The following SRD5A1 variants were observed in gnomAD, a reference collection of about 807,000 sequenced individuals.
SRD5A1 encodes the protein steroid 5 alpha-reductase 1.
SRD5A1 carries 22 observed loss-of-function variants against 28.2 expected under a neutral mutation model. The ratio of observed to expected loss-of-function variants is 0.78; its 90% CI spans 0.56 to 1.12. The LOEUF (loss-of-function observed/expected upper bound fraction) is 1.12. Ranked by LOEUF, SRD5A1 falls within the 50% of genes most tolerant of loss-of-function variation. The pLI is 0.00. For missense variants in SRD5A1, 300 were observed against 346.7 expected, an observed-to-expected ratio of 0.87 and a Z score of 1.07; for synonymous variants, 151 against 135.0, an observed-to-expected ratio of 1.12 and a Z score of -0.82.
chr5:6,652,496 T>C (rs1477187677), intron 2 of SRD5A1, among the ~76,000 whole-genome samples: 1 of 152,230 alleles, frequency 6.6e-6, no homozygotes, highest in Non-Finnish European at 1.5e-5. Flanking sequence ...AATGTACATT[T>C]TCAACCTCTA....
intron 1 of SRD5A1, among the ~76,000 whole-genome samples, chr5:6,651,502 A>G (rs773133769): frequency 1.1e-4 from 16 of 151,970 alleles, no homozygotes; most frequent in Non-Finnish European, 2.1e-4. Context: ...ACAAAATAAT[A>G]ATAATAATAA....
intron 1 of SRD5A1, among the ~76,000 whole-genome samples, chr5:6,642,166 G>A (rs568153343): frequency 6.6e-6 from 1 of 152,134 alleles, no homozygotes; most frequent in East Asian, 1.9e-4. Flanking sequence ...CACTTATTGG[G>A]ATTCAAAGTT....
Position 6,672,297 on chromosome 5 carries a change from A to G in SRD5A1, c.*4029A>G, listed in dbSNP as rs1350984180. 2.6e-5 allele frequency: 4 copies of G among 151,546 alleles called. No individual in the cohort carries two copies. The highest frequency in any genetic ancestry group is 5.9e-5 in the Non-Finnish European group (4 of 68,010). The allele number at this position is 151,546 out of a possible 1,614,324, so 9.4% of individuals were successfully genotyped here. On this transcript the variant is annotated 3_prime_UTR_variant, in exon 5 of 5. Transcript: ENST00000274192. Reference sequence around the variant, plus strand: ...GTTTTTTGTTTTGTTTTGTTTTGAGACGGAGTCTTGCTCTGTCACCCAGGC... The same window carrying G: ...GTTTTTTGTTTTGTTTTGTTTTGAGGCGGAGTCTTGCTCTGTCACCCAGGC...
chr5:6,637,228 C>G (rs1449773793), intron 1 of SRD5A1, among the ~76,000 whole-genome samples: 2 of 152,110 alleles, frequency 1.3e-5, no homozygotes, highest in Non-Finnish European at 2.9e-5. Flanking sequence ...CCTTCCGAAG[C>G]CTGTGCCTAC....
Position 6,671,077 on chromosome 5 carries a change from C to A in SRD5A1, c.*2809C>A, listed in dbSNP as rs570338183. 1 of 152,280 alleles carries A rather than the reference C, an allele frequency of 6.6e-6. No homozygotes were observed. Among genetic ancestry groups the A allele is most frequent in the South Asian group, 2.1e-4 (1 of 4,814 alleles). 9.4% of individuals were successfully genotyped at this position (152,280 alleles called of 1,614,324 possible). A position where few individuals can be genotyped will look rare whatever the true frequency, so the allele number is the denominator to read the frequency against. On this transcript the variant is annotated 3_prime_UTR_variant, in exon 5 of 5. Transcript: ENST00000274192. ...TTCTACTTTTAGTTCTAAGGAATTT[C>A]CACACTGTTTTCCATGGTGGCTCTA...
chr5:6,648,520 A>G (rs908480497), intron 1 of SRD5A1, among the ~76,000 whole-genome samples: 12 of 152,216 alleles, frequency 7.9e-5, no homozygotes, highest in African/African-American at 1.7e-4. Context: ...TTGATCTTCA[A>G]TGACTGATAT....
At position 6,668,272 on chromosome 5, in the gene SRD5A1, C is replaced by T. The variant is rs368217760; in HGVS notation, c.*4C>T. On this transcript the variant is annotated 3_prime_UTR_variant, in exon 5 of 5. Coordinates refer to ENST00000274192, the MANE Select transcript of SRD5A1 (RefSeq NM_001047.4). ...TATAATTCCATTTTTGTTTTAAGTGCGTTTTTCATGAAATTATCTTCAACT... is the reference window on the plus strand; with the variant it reads ...TATAATTCCATTTTTGTTTTAAGTGTGTTTTTCATGAAATTATCTTCAACT... 5.2e-6 allele frequency: 8 copies of T among 1,545,040 alleles called. No individual in the cohort carries two copies. Among genetic ancestry groups the T allele is most frequent in the Middle Eastern group, 1.8e-4 (1 of 5,596 alleles).
chr5:6,639,494 G>T (rs1049417893), intron 1 of SRD5A1, among the ~76,000 whole-genome samples: 4 of 152,224 alleles, frequency 2.6e-5, no homozygotes, highest in Non-Finnish European at 4.4e-5. Context: ...GTGCCCTTGT[G>T]TGGGTGCCAC....
At chr5:6,659,162 G>A (rs1025985792) in intron 3 of SRD5A1, among the ~76,000 whole-genome samples, 13 of 150,670 alleles carry the variant, frequency 8.6e-5, no homozygotes, top group Admixed American at 4.6e-4. Flanking sequence ...CACCCAGGCT[G>A]GAGTGCAGTG....
At chr5:6,658,323 T>TA (rs944081215) in intron 3 of SRD5A1, among the ~76,000 whole-genome samples, 10 of 151,522 alleles carry the variant, frequency 6.6e-5, no homozygotes, top group Non-Finnish European at 1.3e-4. Context: ...AGACTCTGTC[T>TA]AAAAAAAATA....
At chr5:6,651,810 TA>T (rs758273618) in intron 1 of SRD5A1, 31 bp from the exon 2 acceptor site, 1 of 1,553,956 alleles carries the variant, frequency 6.4e-7, no homozygotes, top group South Asian at 1.2e-5. Context: ...TTTAATTTTT[TA>T]AAAAATTGTG....
chr5:6,663,721 G>C (rs1389797675), intron 4 of SRD5A1, among the ~76,000 whole-genome samples: 1 of 152,030 alleles, frequency 6.6e-6, no homozygotes, highest in Non-Finnish European at 1.5e-5. Flanking sequence ...TTAGTCAGGC[G>C]TGGTGGCGGG....
At position 6,651,958 on chromosome 5, in the gene SRD5A1, A is replaced by G; in HGVS notation, c.410A>G (p.His137Arg). ...TATTTGCAAAGCAGATACTTGAGCCATTGTGCAGTGTATGCTGATGACTGG... is the reference window on the plus strand; with the variant it reads ...TATTTGCAAAGCAGATACTTGAGCCGTTGTGCAGTGTATGCTGATGACTGG... ...NGYLQSRYLS[H>R]CAVYADDWVT... The change falls in exon 2 of 5, where the codon CAT becomes CGT. Residue 137 changes from histidine to arginine, a missense_variant. This residue lies in a region of SRD5A1 where 126 missense variants were observed against 185.7 expected (regional missense o/e 0.68). Transcript: ENST00000274192. 2 of 1,614,172 alleles carry G rather than the reference A, an allele frequency of 1.2e-6. No homozygotes were observed. Among genetic ancestry groups the G allele is most frequent in the Non-Finnish European group, 1.7e-6 (2 of 1,180,014 alleles).
At chr5:6,651,227 G>A (rs1402894270) in intron 1 of SRD5A1, among the ~76,000 whole-genome samples, 1 of 152,230 alleles carries the variant, frequency 6.6e-6, no homozygotes, top group Admixed American at 6.5e-5. Context: ...TTTTAGGATA[G>A]TGGAAATCTT....
chr5:6,633,890 C>T (rs763784713), intron 1 of SRD5A1, 21 bp downstream of exon 1: 3 of 1,594,514 alleles, frequency 1.9e-6, no homozygotes, highest in East Asian at 4.5e-5. Context: ...CGGCCCCCGG[C>T]CCCCTACCCT....
Position 6,656,133 on chromosome 5 carries a change from A to C in SRD5A1, c.516A>C (p.Leu172=). ...TAAACATCCATTCAGATCATATCCT[A>C]AGGAATCTCAGAAAACCAGGAGATA... ...MLINIHSDHI[L]RNLRKPGDTG... Residue 172 remains leucine, a synonymous_variant, in exon 3 of 5, where the codon CTA becomes CTC. Transcript: ENST00000274192. 1 of 1,614,086 alleles carries C rather than the reference A, an allele frequency of 6.2e-7. No individual in the cohort carries two copies. Among genetic ancestry groups the C allele is most frequent in the Non-Finnish European group, 8.5e-7 (1 of 1,179,960 alleles).
chr5:6,639,414 C>T (rs578016424), intron 1 of SRD5A1, among the ~76,000 whole-genome samples: 26 of 152,238 alleles, frequency 1.7e-4, no homozygotes, highest in African/African-American at 5.5e-4. Flanking sequence ...TAATTCTGCC[C>T]GTTTGAATAG....
Position 6,671,503 on chromosome 5 carries a change from T to C in SRD5A1, c.*3235T>C, listed in dbSNP as rs929533605. 3.3e-5 allele frequency: 5 copies of C among 152,216 alleles called. No individual in the cohort carries two copies. The highest frequency in any genetic ancestry group is 7.2e-5 in the African/African-American group (3 of 41,438). The allele number at this position is 152,216 out of a possible 1,614,324, so 9.4% of individuals were successfully genotyped here. ...TTGCTTTTACCATGCAAAAGCTCTT[T>C]AGTTTAATTAAGTCCCATCTATTTA... On this transcript the variant is annotated 3_prime_UTR_variant, in exon 5 of 5. Coordinates refer to ENST00000274192, the MANE Select transcript of SRD5A1 (RefSeq NM_001047.4).
intron 3 of SRD5A1, 52 bp from the exon 4 acceptor site, chr5:6,662,764 C>T (rs943212401): frequency 1.1e-5 from 18 of 1,582,504 alleles, no homozygotes; most frequent in Non-Finnish European, 1.6e-5. Flanking sequence ...TCTCTGAAGT[C>T]CGTATTTCAT....
Sources: gnomAD v4.1 joint callset for allele counts (sites outside exome capture counted in the v4.1 genomes callset) on GRCh38, gnomAD v4.1.1 for gene constraint, gnomAD v4.1.1 regional missense constraint, MANE v1.5 for transcripts, NCBI Gene and HGNC (gene_info 2026-07-23, HGNC 2026-07-21) for gene names.